The following ADGRG4 variants were observed in gnomAD, a reference collection of about 807,000 sequenced individuals.
ADGRG4 encodes the protein G protein-coupled receptor 112.
ADGRG4 carries 122 observed loss-of-function variants against 126.2 expected under a neutral mutation model. That is an observed-to-expected ratio of 0.97 (90% CI 0.83 to 1.12). The LOEUF is 1.12. Among genes scored for constraint, ADGRG4 ranks in the 50% most tolerant of loss-of-function variants. ADGRG4 has a pLI of 0.00. For synonymous variants in ADGRG4, 943 were observed against 838.7 expected, an observed-to-expected ratio of 1.12 and a Z score of -2.15; for missense variants, 2,481 against 2,251.8, an observed-to-expected ratio of 1.10 and a Z score of -2.06.
At chrX:136,374,389 A>C (rs772567084) in intron 15 of ADGRG4, among the ~76,000 whole-genome samples, 13 of 111,316 alleles carry the variant, frequency 1.2e-4, no homozygotes, top group African/African-American at 3.6e-4. Context: ...ATACCTAGGA[A>C]TGGAATTGCT....
At chrX:136,353,520 T>C (rs1283563845) in intron 8 of ADGRG4, 119 bp downstream of exon 8, 1 of 508,942 alleles carries the variant, frequency 2.0e-6, no homozygotes, top group Non-Finnish European at 3.4e-6. Flanking sequence ...ACATTTTTAG[T>C]TGCATCTTCC....
chrX:136,345,340 C>A lies in ADGRG4; in HGVS notation c.1634C>A (p.Ser545Tyr). Reference protein sequence around the residue: ...VSLPRVEDAMSTSMSKETSSK... With the variant: ...VSLPRVEDAMYTSMSKETSSK... ...TTACCCAGAGTGGAAGATGCCATGT[C>A]TACTTCCATGTCGAAAGAGACCTCC... Residue 545 changes from serine to tyrosine, a missense_variant, in exon 6 of 26, where the codon TCT (serine) becomes TAT (tyrosine). By Grantham distance (144) the Ser-to-Tyr change is moderately radical. Transcript: ENST00000394143. 2 of 1,210,732 alleles carry A rather than the reference C, an allele frequency of 1.7e-6. No individual in the cohort carries two copies. Among genetic ancestry groups the A allele is most frequent in the Non-Finnish European group, 1.1e-6 (1 of 894,717 alleles).
chrX:136,319,719 CT>C (rs1302251870), intron 4 of ADGRG4, among the ~76,000 whole-genome samples: 2 of 108,444 alleles, frequency 1.8e-5, no homozygotes, highest in Admixed American at 2.0e-4. Context: ...ATCTATCTAT[CT>C]ATCTATCTAT....
intron 21 of ADGRG4, among the ~76,000 whole-genome samples, chrX:136,402,405 C>T (rs1177753322): frequency 1.8e-5 from 2 of 111,041 alleles, no homozygotes; most frequent in African/African-American, 3.3e-5. Flanking sequence ...ACATCTGCAG[C>T]ATTCTAGGTG....
At position 136,347,077 on chromosome X, in the gene ADGRG4, C is replaced by A. The variant is rs763834265; in HGVS notation, c.3371C>A (p.Ala1124Asp). ...CTCTCCACTCCTGTGACAGCTAAGG[C>A]TGAGACCACCCTTTTCTCTACCTCA... ...LRLSTPVTAK[A>D]ETTLFSTSVD... Residue 1124 changes from alanine to aspartate, a missense_variant, in exon 6 of 26, where the codon GCT becomes GAT. Coordinates refer to ENST00000394143, the MANE Select transcript of ADGRG4 (RefSeq NM_153834.4). 4.1e-6 allele frequency: 5 copies of A among 1,208,095 alleles called. No individual in the cohort carries two copies. In the Admixed American group the frequency reaches 1.1e-4, roughly 26 times the overall value.
intron 16 of ADGRG4, among the ~76,000 whole-genome samples, chrX:136,388,395 G>T (rs900301391): frequency 1.8e-5 from 2 of 112,341 alleles, no homozygotes; most frequent in Admixed American, 1.9e-4. Flanking sequence ...TGATGCTGAA[G>T]AGTGTGGACT....
At chrX:136,373,178 T>C in intron 15 of ADGRG4, 114 bp downstream of exon 15, 5 of 636,667 alleles carry the variant, frequency 7.9e-6, no homozygotes, top group South Asian at 3.7e-5. Context: ...GGGGACCTTA[T>C]GGAAATACAG....
At position 136,387,668 on chromosome X, in the gene ADGRG4, G is replaced by A. The variant is rs989847649; in HGVS notation, c.7777-72G>A. ...GGGTGATATTCTGAGGCTGAGCTGG[G>A]GTGGGAGGTGGGCAGGACTTCACTA... On this transcript the variant is annotated intron_variant, in intron 15 of 25. Coordinates refer to ENST00000394143, the MANE Select transcript of ADGRG4 (RefSeq NM_153834.4). The A allele has an allele frequency of 4.1e-6, 4 of 985,406 alleles. No homozygotes were observed. The African/African-American group carries it at 7.7e-5, about 19-fold the overall frequency. The allele number at this position is 985,406 out of a possible 1,213,427, so 81.2% of individuals were successfully genotyped here.
At chrX:136,326,357 C>T (rs973106916) in intron 5 of ADGRG4, among the ~76,000 whole-genome samples, 1 of 111,796 alleles carries the variant, frequency 8.9e-6, no homozygotes, top group East Asian at 2.8e-4. Flanking sequence ...AAGTTCTTAC[C>T]GTGTGCCAGG....
intron 22 of ADGRG4, 148 bp downstream of exon 22, chrX:136,403,470 A>G (rs2075389979): frequency 2.4e-6 from 1 of 419,566 alleles, no homozygotes; most frequent in Non-Finnish European, 4.1e-6. Context: ...GGCCACATTT[A>G]TGTGATGGTT....
At chrX:136,332,417 T>G (rs1309095463) in intron 5 of ADGRG4, among the ~76,000 whole-genome samples, 119 of 101,947 alleles carry the variant, frequency 1.2e-3, no homozygotes, top group Non-Finnish European at 1.5e-3. Flanking sequence ...GTTGGACATT[T>G]GGGTTGGTTC....
chrX:136,404,805 A>T (rs1265118820), intron 22 of ADGRG4, among the ~76,000 whole-genome samples: 1 of 112,056 alleles, frequency 8.9e-6, no homozygotes, highest in Admixed American at 9.5e-5. Context: ...CTATTAGGAA[A>T]ATTAAATGTT....
intron 15 of ADGRG4, 144 bp from the exon 16 acceptor site, chrX:136,387,596 A>G (rs1021550704): frequency 5.3e-5 from 26 of 490,390 alleles, no homozygotes; most frequent in Non-Finnish European, 8.0e-5. Context: ...GTGTGTGTGA[A>G]AAGTGTATCA....
rs374507288 is a variant in ADGRG4, at chrX:136,345,183, T to C, written c.1477T>C (p.Leu493=). The C allele has an allele frequency of 1.6e-5, 19 of 1,209,144 alleles. No homozygotes were observed. The African/African-American group carries it at 2.1e-4, about 13-fold the overall frequency. Residue 493 remains leucine, a synonymous_variant, in exon 6 of 26, where the codon TTG becomes CTG. Coordinates refer to ENST00000394143, the MANE Select transcript of ADGRG4 (RefSeq NM_153834.4). ...TCCTAGAAACCAGACAGCATTTCCA[T>C]TGGCAACAACTGATATGAAAATAGC... is the stretch of plus-strand genomic sequence containing the variant. The part of the protein sequence containing the change: ...VFPRNQTAFP[L]ATTDMKIAFT...
intron 15 of ADGRG4, among the ~76,000 whole-genome samples, chrX:136,382,704 G>A (rs1044436980): frequency 8.1e-5 from 9 of 111,589 alleles, no homozygotes; most frequent in South Asian, 7.7e-4. Flanking sequence ...CCTTACCTCC[G>A]TTGTAGAGTA....
rs755535605 is a variant in ADGRG4 at position 136,351,459 on chromosome X, A to G, written c.6740A>G (p.Asn2247Ser). ...TATKSTVSFYNVEMSFSVFVE... is the reference protein window; with the variant it reads ...TATKSTVSFYSVEMSFSVFVE... ...TTTTTAATTACAGTTTCCTTCTACA[A>G]TGTTGAAATGAGCTTCTCTGTCTTT... Residue 2247 changes from asparagine to serine, a missense_variant, in exon 7 of 26, where the codon AAT becomes AGT. By Grantham distance (46) the Asn-to-Ser change is conservative (BLOSUM62 1). Transcript: ENST00000394143. 64 of 1,120,958 alleles carry G rather than the reference A, an allele frequency of 5.7e-5. 1 individual carries two copies. The highest frequency in any genetic ancestry group is 7.1e-5 in the Non-Finnish European group (59 of 831,986). The allele number at this position is 1,120,958 out of a possible 1,213,427, so 92.4% of individuals were successfully genotyped here.
Position 136,371,445 on chromosome X carries a change from A to G in ADGRG4, c.7514A>G (p.Glu2505Gly), listed in dbSNP as rs73637917. ...ATATCAGATATTTCACAATGTGATG[A>G]GATAAGTATGAACCTAACTCATGTT... ...SKISDISQCDEISMNLTHVML... is the reference protein window; with the variant it reads ...SKISDISQCDGISMNLTHVML... The change falls in exon 14 of 26, where the codon GAG becomes GGG. Residue 2505 changes from glutamate to glycine, a missense_variant. Glu to Gly is a moderately conservative substitution (Grantham distance 98). Transcript: ENST00000394143. The G allele has an allele frequency of 1.2e-3, 1,474 of 1,189,595 alleles. 16 individuals are homozygous for G. In the African/African-American group the frequency reaches 0.023, roughly 19 times the overall value.
chrX:136,412,345 T>C lies in ADGRG4; in HGVS notation c.9016T>C (p.Leu3006=). 1.7e-6 allele frequency: 2 copies of C among 1,179,370 alleles called. No homozygotes were observed. The highest frequency in any genetic ancestry group is 1.7e-5 in the African/African-American group (1 of 57,251). The change falls in exon 24 of 26, where the codon TTG becomes CTG. Residue 3006 remains leucine (L), a synonymous_variant. Coordinates refer to ENST00000394143, the MANE Select transcript of ADGRG4 (RefSeq NM_153834.4). ...QWQIHLCCGW[L]RLDNSSDGSS... is the part of the protein sequence containing the mutation. ...GCAGATACACCTCTGCTGTGGGTGGTTGCGATTGGATAACTCTTCTGGTAA... is the reference window on the plus strand; with the variant it reads ...GCAGATACACCTCTGCTGTGGGTGGCTGCGATTGGATAACTCTTCTGGTAA...
chrX:136,301,785 C>T (rs1448196417), intron 1 of ADGRG4, among the ~76,000 whole-genome samples: 3 of 111,844 alleles, frequency 2.7e-5, no homozygotes, highest in African/African-American at 9.8e-5. Flanking sequence ...GATCCCGTTT[C>T]AGCTTTCTCC....
Sources: gnomAD v4.1 joint callset for allele counts (sites outside exome capture counted in the v4.1 genomes callset) on GRCh38, gnomAD v4.1.1 for gene constraint, MANE v1.5 for transcripts, NCBI Gene and HGNC (gene_info 2026-07-23, HGNC 2026-07-21) for gene names.